The following SLC6A19 variants were observed in gnomAD, a reference collection of about 807,000 sequenced individuals.
The protein encoded by SLC6A19 is sodium-dependent neutral amino acid transporter B(0)AT1.
A neutral mutation model predicts 68.3 loss-of-function variants in SLC6A19; 67 were observed. The ratio of observed to expected loss-of-function variants is 0.98; its 90% confidence interval spans 0.81 to 1.20. SLC6A19 has a LOEUF of 1.20. Ranked by LOEUF, SLC6A19 falls within the 50% of genes most tolerant of loss-of-function variation. SLC6A19 has a pLI of 0.00. For missense variants in SLC6A19, 813 were observed against 851.6 expected, an observed-to-expected ratio of 0.95 and a Z score of 0.56; for synonymous variants, 392 against 374.9, an observed-to-expected ratio of 1.05 and a Z score of -0.53.
At position 1,214,358 on chromosome 5, in the gene SLC6A19, C is replaced by T. The variant is rs568441098; in HGVS notation, c.887+293C>T. On this transcript the variant is annotated intron_variant, in intron 6 of 11. Coordinates refer to ENST00000304460, the MANE Select transcript of SLC6A19 (RefSeq NM_001003841.3). This position sits in a 1 kb window ranked among gnomAD's most constrained non-coding sequence, Gnocchi z 7.4. ...CCCCTCCTGTGCTCTCCCCAGTTCCCTGCTCCACACCCACATCGCTCCCAG... is the reference window on the plus strand; with the variant it reads ...CCCCTCCTGTGCTCTCCCCAGTTCCTTGCTCCACACCCACATCGCTCCCAG... Among the ~76,000 whole-genome samples the T allele has an allele frequency of 3.5e-4, 54 of 152,150 alleles. No individual in the cohort carries two copies. The highest frequency in any genetic ancestry group is 3.2e-3 in the Middle Eastern group (1 of 316).
At chr5:1,204,229 C>T (rs1366973718) in intron 1 of SLC6A19, among the ~76,000 whole-genome samples, 1 of 152,212 alleles carries the variant, frequency 6.6e-6, no homozygotes, top group African/African-American at 2.4e-5. Context: ...CGCGTGCCTC[C>T]GAGTCTCCTG....
intron 1 of SLC6A19, among the ~76,000 whole-genome samples, chr5:1,204,767 G>T (rs967860278): frequency 2.0e-5 from 3 of 152,224 alleles, no homozygotes; most frequent in Admixed American, 6.5e-5. Context: ...ACCATGTGGC[G>T]CCAGCACAGC....
chr5:1,202,940 C>T (rs893205538), intron 1 of SLC6A19, among the ~76,000 whole-genome samples: 7 of 152,110 alleles, frequency 4.6e-5, no homozygotes, highest in East Asian at 1.9e-4. Context: ...GGAGGCAGGT[C>T]GGGGGACCTT....
At position 1,218,963 on chromosome 5, in the gene SLC6A19, T is replaced by C; in HGVS notation, c.1234T>C (p.Leu412=). The C allele has an allele frequency of 6.2e-7, 1 of 1,614,094 alleles. No individual in the cohort carries two copies. The change falls in exon 9 of 12, where the codon TTG becomes CTG. Residue 412 remains leucine, a synonymous_variant. Transcript: ENST00000304460. ...CACCGAGGCCATCACCAAGATGCCG[T>C]TGTCCCCACTGTGGTCTGTGCTCTT... The part of the protein sequence containing the change: ...VFTEAITKMP[L]SPLWSVLFFI...
In SLC6A19 at chr5:1,208,854, G is replaced by A. The variant is rs759094266; in HGVS notation, c.311G>A (p.Trp104Ter). Residue 104 changes from tryptophan (W) to a stop codon, truncating the protein, a stop_gained, in exon 2 of 12, where the codon TGG becomes TAG. Transcript: ENST00000304460. LOFTEE classifies it high-confidence loss of function. The part of the protein sequence containing the change: ...QRLRRGSLGV[W>*]SSIHPALKGL... ...CTGCGGCGGGGCAGCCTGGGTGTGTGGAGCTCCATCCACCCGGCCCTGAAG... is the reference window on the plus strand; with the variant it reads ...CTGCGGCGGGGCAGCCTGGGTGTGTAGAGCTCCATCCACCCGGCCCTGAAG... 3 of 1,612,632 alleles carry A rather than the reference G, an allele frequency of 1.9e-6. No individual in the cohort carries two copies. Among genetic ancestry groups the A allele is most frequent in the East Asian group, 4.5e-5 (2 of 44,888 alleles).
Position 1,222,203 on chromosome 5 carries a change from A to T in SLC6A19, c.*299A>T. The T allele has an allele frequency of 1.7e-6, 1 of 590,066 alleles. No individual in the cohort carries two copies. Among genetic ancestry groups the T allele is most frequent in the Admixed American group, 3.0e-5 (1 of 33,112 alleles). 36.6% of individuals were successfully genotyped at this position (590,066 alleles called of 1,614,324 possible). On this transcript the variant is annotated 3_prime_UTR_variant, in exon 12 of 12. Coordinates refer to ENST00000304460, the MANE Select transcript of SLC6A19 (RefSeq NM_001003841.3). The stretch of plus-strand genomic sequence containing the variant: ...TGTGTCATGTTGTGTGTGTGCATGT[A>T]CATGTATGGACATTGTGTGAGTGTG...
intron 1 of SLC6A19, among the ~76,000 whole-genome samples, chr5:1,204,496 C>A (rs28690576): frequency 0.068 from 10,346 of 152,280 alleles, 1,178 homozygotes; most frequent in African/African-American, 0.24. Flanking sequence ...CAGGGCTCAC[C>A]CCACTCACCC....
intron 7 of SLC6A19, 46 bp from the exon 8 acceptor site, chr5:1,216,743 A>G (rs1330521169): frequency 6.2e-7 from 1 of 1,613,630 alleles, no homozygotes. Flanking sequence ...GAAGCCTCCC[A>G]GCCTCCCTGG....
chr5:1,202,492 A>G (rs78199555), intron 1 of SLC6A19, among the ~76,000 whole-genome samples: 327 of 152,294 alleles, frequency 2.1e-3, no homozygotes, highest in South Asian at 3.3e-3. Flanking sequence ...GTTCCTGCCC[A>G]GTGGTCCTGA....
chr5:1,202,891 G>A (rs111467273), intron 1 of SLC6A19, among the ~76,000 whole-genome samples: 117 of 152,282 alleles, frequency 7.7e-4, no homozygotes, highest in Admixed American at 1.6e-3. Context: ...GCGGGGGTGG[G>A]CGCTTCATGA....
At chr5:1,204,584 T>C (rs1745801007) in intron 1 of SLC6A19, among the ~76,000 whole-genome samples, 2 of 152,210 alleles carry the variant, frequency 1.3e-5, no homozygotes, top group African/African-American at 4.8e-5. Context: ...CATGCCCACC[T>C]GTGTCCGTCC....
At chr5:1,210,798 C>T (rs919443930) in intron 3 of SLC6A19, among the ~76,000 whole-genome samples, 25 of 152,298 alleles carry the variant, frequency 1.6e-4, no homozygotes, top group Non-Finnish European at 2.8e-4. Flanking sequence ...GGGAGGAAAG[C>T]GTGGGAGCCC....
rs1478383732 is a variant in SLC6A19 at position 1,215,686 on chromosome 5, C to T, written c.888-872C>T. Among the ~76,000 whole-genome samples, 2 of 152,226 alleles carry T rather than the reference C, an allele frequency of 1.3e-5. No individual in the cohort carries two copies. Among genetic ancestry groups the T allele is most frequent in the Non-Finnish European group, 2.9e-5 (2 of 68,050 alleles). On this transcript the variant is annotated intron_variant, in intron 6 of 11. Coordinates refer to ENST00000304460, the MANE Select transcript of SLC6A19 (RefSeq NM_001003841.3). This position sits in a 1 kb window ranked among gnomAD's most constrained non-coding sequence, Gnocchi z 5.1. ...CACGTTTTGGCTGTCATGAGTCATG[C>T]TGACGTGAGCCTGTGTGTACGCGTT...
chr5:1,222,728 T>C lies in SLC6A19; in HGVS notation c.*824T>C, dbSNP rs185914634. On this transcript the variant is annotated 3_prime_UTR_variant, in exon 12 of 12. Transcript: ENST00000304460. ...ACACATATGGACACGTGTGGATATG[T>C]GTGCGTACACGTCGCTGGGACACAT... The C allele has an allele frequency of 2.5e-4, 40 of 159,528 alleles. 2 individuals carry two copies. The East Asian group carries it at 7.3e-3, about 29-fold the overall frequency. The allele number at this position is 159,528 out of a possible 1,614,324, so 9.9% of individuals were successfully genotyped here.
At position 1,215,874 on chromosome 5, in the gene SLC6A19, C is replaced by T. The variant is rs564693551; in HGVS notation, c.888-684C>T. Among the ~76,000 whole-genome samples the T allele has an allele frequency of 3.3e-5, 5 of 152,282 alleles. No homozygotes were observed. The highest frequency in any genetic ancestry group is 3.9e-4 in the East Asian group (2 of 5,182). ...AGCGTGCAGGAAGCTCCAGTTTCCC[C>T]GTATCCTCACCAACACTTGTTATTG... On this transcript the variant is annotated intron_variant, in intron 6 of 11. Coordinates refer to ENST00000304460, the MANE Select transcript of SLC6A19 (RefSeq NM_001003841.3). The surrounding 1 kb of genome is among the most constrained non-coding windows in gnomAD (Gnocchi z 5.1).
At chr5:1,221,597 C>A in intron 11 of SLC6A19, 104 bp from the exon 12 acceptor site, 1 of 1,444,376 alleles carries the variant, frequency 6.9e-7, no homozygotes, top group Non-Finnish European at 9.6e-7. Flanking sequence ...CCCTGCCTGC[C>A]CCACAGGACA....
intron 6 of SLC6A19, among the ~76,000 whole-genome samples, 200 bp from the exon 7 acceptor site, chr5:1,216,358 G>T (rs1448851067): frequency 6.6e-6 from 1 of 152,210 alleles, no homozygotes; most frequent in Non-Finnish European, 1.5e-5. Flanking sequence ...AGGGGACCAG[G>T]TGCTGCCCTG....
In SLC6A19 at chr5:1,201,769, A is replaced by C. The variant is rs1369938743; in HGVS notation, c.119A>C (p.Gln40Pro). ...CGGCCGAAGTGGGACAACAAGGCGC[A>C]GTACATGCTCACCTGCCTGGGCTTC... is the stretch of plus-strand genomic sequence containing the variant. ...SSRPKWDNKA[Q>P]YMLTCLGFCV... Residue 40 changes from glutamine (Q) to proline (P), a missense_variant, in exon 1 of 12, where the codon CAG becomes CCG. Gln to Pro is a moderately conservative substitution (Grantham distance 76, BLOSUM62 -1). Transcript: ENST00000304460. The C allele has an allele frequency of 6.2e-7, 1 of 1,612,698 alleles. No homozygotes were observed. The highest frequency in any genetic ancestry group is 1.3e-5 in the African/African-American group (1 of 74,944).
rs889084414 is a variant in SLC6A19, at chr5:1,214,593, C to T, written c.887+528C>T. 1.3e-5 allele frequency among the ~76,000 whole-genome samples: 2 copies of T among 152,156 alleles called. No homozygotes were observed. The highest frequency in any genetic ancestry group is 6.5e-5 in the Admixed American group (1 of 15,284). Reference sequence around the variant, plus strand: ...TTAATTTCCACTAGCATTTATGAAGCACCTACTATGTGCCCGACCTGGTGC... The same window carrying T: ...TTAATTTCCACTAGCATTTATGAAGTACCTACTATGTGCCCGACCTGGTGC... On this transcript the variant is annotated intron_variant, in intron 6 of 11. Transcript: ENST00000304460. This position sits in a 1 kb window ranked among gnomAD's most constrained non-coding sequence, Gnocchi z 7.4.
Sources: allele counts gnomAD v4.1 joint callset (sites outside exome capture counted in the v4.1 genomes callset), GRCh38; gene constraint gnomAD v4.1.1; non-coding constraint Gnocchi (gnomAD v3.1); transcripts MANE v1.5; gene names NCBI Gene and HGNC (gene_info 2026-07-23, HGNC 2026-07-21).